Variants in BMP6 observed in about 807,000 individuals in gnomAD.
The protein encoded by BMP6 is VG-1-R.
BMP6 carries 17 observed loss-of-function variants against 54.1 expected under a neutral mutation model. The ratio of observed to expected loss-of-function variants is 0.31; its 90% CI spans 0.22 to 0.47. BMP6 has a LOEUF of 0.47. Among genes scored for constraint, BMP6 ranks in the 20% least tolerant of loss-of-function variants. The pLI, the probability that BMP6 is intolerant of heterozygous loss-of-function variation, is 1.00. For missense variants in BMP6, 720 were observed against 690.4 expected, an observed-to-expected ratio of 1.04 and a Z score of -0.48; for synonymous variants, 328 against 291.2, an observed-to-expected ratio of 1.13 and a Z score of -1.28.
intron 1 of BMP6, among the ~76,000 whole-genome samples, chr6:7,794,452 T>C (rs1284992569): frequency 6.6e-6 from 1 of 152,046 alleles, no homozygotes; most frequent in Non-Finnish European, 1.5e-5. Flanking sequence ...TTTTTAAAAA[T>C]AGCTGGGTGT....
intron 1 of BMP6, among the ~76,000 whole-genome samples, chr6:7,832,578 C>A (rs921615658): frequency 6.6e-6 from 1 of 151,910 alleles, no homozygotes; most frequent in African/African-American, 2.4e-5. Context: ...TTACCCATTG[C>A]GTATTGCAAG....
At chr6:7,735,996 A>G (rs974574289) in intron 1 of BMP6, among the ~76,000 whole-genome samples, 6 of 152,220 alleles carry the variant, frequency 3.9e-5, no homozygotes, top group African/African-American at 1.4e-4. Context: ...CCTCAGTTGA[A>G]GAATATTTTG....
chr6:7,789,653 G>A (rs1027565124), intron 1 of BMP6, among the ~76,000 whole-genome samples: 1 of 152,158 alleles, frequency 6.6e-6, no homozygotes. Flanking sequence ...TTGCTCCCAA[G>A]CAGCCAGTTC....
chr6:7,813,656 AAAAAAAAAAAAAAC>A (rs1182347540), intron 1 of BMP6, among the ~76,000 whole-genome samples: 9 of 143,848 alleles, frequency 6.3e-5, no homozygotes, highest in Non-Finnish European at 9.1e-5. Flanking sequence ...AAAAAAAAAA[AAAAAAAAAAAAAAC>A]CCACCAAACC....
chr6:7,771,804 G>C lies in BMP6; in HGVS notation c.664+44185G>C, dbSNP rs898505587. Among the ~76,000 whole-genome samples, 4 of 152,154 alleles carry C rather than the reference G, an allele frequency of 2.6e-5. No homozygotes were observed. In the South Asian group the frequency reaches 8.3e-4, roughly 32 times the overall value. ...GCGGTGGCTCATGCCTGTAATCCCA[G>C]CACTTTGGGAGGCCGAGGCGGGTGG... On this transcript the variant is annotated intron_variant, in intron 1 of 6. Coordinates refer to ENST00000283147, the MANE Select transcript of BMP6 (RefSeq NM_001718.6).
intron 1 of BMP6, among the ~76,000 whole-genome samples, chr6:7,806,649 T>C (rs1758351467): frequency 6.6e-6 from 1 of 152,218 alleles, no homozygotes; most frequent in South Asian, 2.1e-4. Context: ...ACAAAGTCAT[T>C]ACAGAGATTT....
intron 1 of BMP6, among the ~76,000 whole-genome samples, chr6:7,810,847 C>T (rs766265379): frequency 6.6e-6 from 1 of 152,162 alleles, no homozygotes; most frequent in Non-Finnish European, 1.5e-5. Context: ...TGATTCTTGG[C>T]GATGGGGTCT....
intron 1 of BMP6, among the ~76,000 whole-genome samples, chr6:7,800,050 G>A (rs1758246141): frequency 6.6e-6 from 1 of 151,280 alleles, no homozygotes; most frequent in African/African-American, 2.4e-5. Flanking sequence ...TCATCCAAAA[G>A]AGATGAGTGT....
At chr6:7,807,293 T>TG (rs201805408) in intron 1 of BMP6, among the ~76,000 whole-genome samples, 2,539 of 152,186 alleles carry the variant, frequency 0.017, 33 homozygotes, top group Non-Finnish European at 0.025. Flanking sequence ...TGTTTGTTTG[T>TG]TTTTGTTTTG....
chr6:7,845,472 T>G, intron 2 of BMP6, 140 bp downstream of exon 2: 1 of 651,900 alleles, frequency 1.5e-6, no homozygotes, highest in Non-Finnish European at 2.4e-6. Flanking sequence ...GTGGGTGTTG[T>G]AAATGGGAGT....
chr6:7,783,506 C>A (rs1757977705), intron 1 of BMP6, among the ~76,000 whole-genome samples: 1 of 152,096 alleles, frequency 6.6e-6, no homozygotes. Context: ...TAATTAGGTC[C>A]ATTTTAATAA....
intron 1 of BMP6, among the ~76,000 whole-genome samples, chr6:7,823,836 G>C (rs955331792): frequency 2.6e-5 from 4 of 152,212 alleles, no homozygotes; most frequent in Non-Finnish European, 5.9e-5. Flanking sequence ...GAGCAAGCCA[G>C]GGCCCTACGT....
At chr6:7,743,027 T>G (rs911729799) in intron 1 of BMP6, among the ~76,000 whole-genome samples, 2 of 152,118 alleles carry the variant, frequency 1.3e-5, no homozygotes, top group Non-Finnish European at 2.9e-5. Flanking sequence ...GAGAGAGAGA[T>G]GGCTTGACAT....
At chr6:7,768,204 C>T (rs113270744) in intron 1 of BMP6, among the ~76,000 whole-genome samples, 1 of 152,132 alleles carries the variant, frequency 6.6e-6, no homozygotes, top group African/African-American at 2.4e-5. Context: ...ATTCCCTTTC[C>T]TCTCCCACTG....
At chr6:7,879,230 C>A in intron 5 of BMP6, 80 bp downstream of exon 5, 1 of 1,411,646 alleles carries the variant, frequency 7.1e-7, no homozygotes, top group Non-Finnish European at 1.0e-6. Flanking sequence ...CATTACCAAA[C>A]ACCCAGAGCT....
intron 1 of BMP6, among the ~76,000 whole-genome samples, chr6:7,755,394 C>G (rs1413789190): frequency 6.6e-6 from 1 of 152,098 alleles, no homozygotes; most frequent in Non-Finnish European, 1.5e-5. Flanking sequence ...GCTTAACTTA[C>G]CACAGTCTGT....
chr6:7,869,648 C>T (rs1277616629), intron 4 of BMP6, among the ~76,000 whole-genome samples: 5 of 152,162 alleles, frequency 3.3e-5, no homozygotes, highest in South Asian at 2.1e-4. Context: ...ACATGGGCCC[C>T]GGCAGCCTTC....
intron 1 of BMP6, among the ~76,000 whole-genome samples, chr6:7,746,371 T>C (rs9505273): frequency 0.29 from 43,619 of 152,054 alleles, 6,338 homozygotes; most frequent in Admixed American, 0.35. Context: ...TTGGGAGATA[T>C]TCCTGGCTGC....
intron 2 of BMP6, among the ~76,000 whole-genome samples, chr6:7,847,318 T>C (rs1386031402): frequency 6.6e-6 from 1 of 152,186 alleles, no homozygotes; most frequent in Non-Finnish European, 1.5e-5. Context: ...GTTTCATGCT[T>C]TTGAAGGGCT....
Sources: allele counts gnomAD v4.1 joint callset (sites outside exome capture counted in the v4.1 genomes callset), GRCh38; gene constraint gnomAD v4.1.1; transcripts MANE v1.5; gene names NCBI Gene and HGNC (gene_info 2026-07-23, HGNC 2026-07-21).